Variants in ICE2 observed in about 807,000 individuals in gnomAD.
The protein encoded by ICE2 is interactor of little elongation complex ELL subunit 2, also known as little elongation complex subunit 2.
Under a neutral mutation model 105.4 loss-of-function variants are expected in ICE2, and 87 were observed. The ratio of observed to expected loss-of-function variants is 0.83; its 90% CI spans 0.69 to 0.99. The LOEUF (loss-of-function observed/expected upper bound fraction) is 0.99, where lower values mean the gene tolerates loss of function less well. Ranked by LOEUF, ICE2 falls within the 50% of genes least tolerant of loss-of-function variation. The probability of loss-of-function intolerance (pLI) is 0.00; values close to 1 mark genes in which losing one functional copy is unlikely to be tolerated. For missense variants in ICE2, 1,323 were observed against 1,146.7 expected (o/e 1.15, Z -2.22); for synonymous variants, 399 against 392.0 (o/e 1.02, Z -0.21).
In ICE2 at chr15:60,437,460, T is replaced by C. The variant is rs1053345461; in HGVS notation, c.2426-1233A>G. On this transcript the variant is annotated intron_variant, in intron 12 of 15. Coordinates refer to ENST00000261520, the MANE Select transcript of ICE2 (RefSeq NM_024611.6). The stretch of plus-strand genomic sequence containing the variant: ...AGCGATCCTGCCTCAGCCTGCCGAG[T>C]AGATGGGATTACAGGTGCCCACCAC... 6.6e-5 allele frequency among the ~76,000 whole-genome samples: 10 copies of C among 150,686 alleles called. No homozygotes were observed. The East Asian group carries it at 8.1e-4, about 12-fold the overall frequency.
chr15:60,445,018 G>C lies in ICE2; in HGVS notation c.2296-2473C>G, dbSNP rs2063793408. On this transcript the variant is annotated intron_variant, in intron 11 of 15. Coordinates refer to ENST00000261520, the MANE Select transcript of ICE2 (RefSeq NM_024611.6). ...TTATTTTATCCCATCACTTGAGACT[G>C]GCTGATGTTTTAGGTTCTCCTTTAA... Among the ~76,000 whole-genome samples the C allele has an allele frequency of 2.0e-5, 3 of 152,078 alleles. No individual in the cohort carries two copies. In the South Asian group the frequency reaches 6.2e-4, roughly 32 times the overall value.
chr15:60,428,834 G>T, intron 14 of ICE2, 147 bp from the exon 15 acceptor site: 1 of 850,466 alleles, frequency 1.2e-6, no homozygotes, highest in Non-Finnish European at 1.7e-6. Flanking sequence ...TAAGATTTAA[G>T]AAATCTTTAA....
intron 3 of ICE2, among the ~76,000 whole-genome samples, chr15:60,475,359 A>G (rs2064729730): frequency 6.6e-6 from 1 of 152,228 alleles, no homozygotes; most frequent in Non-Finnish European, 1.5e-5. Flanking sequence ...ATCTATTAAA[A>G]TATAAACTGT....
chr15:60,437,582 C>T (rs985570246), intron 12 of ICE2, among the ~76,000 whole-genome samples: 25 of 151,910 alleles, frequency 1.6e-4, no homozygotes, highest in African/African-American at 5.8e-4. Flanking sequence ...ATCCACCTGC[C>T]TCAGCCTCCC....
Position 60,428,496 on chromosome 15 carries a change from T to C in ICE2, c.2753A>G (p.His918Arg), listed in dbSNP as rs771483827. ...ACAAGGTATTCTTCCATGATGGATA[T>C]GATATGGTAATAACAGGCTGGGATC... ...PLDPSLLLPY[H>R]IHHGRIPCTF... Residue 918 changes from histidine (H) to arginine (R), a missense_variant, in exon 15 of 16, where the codon CAT (histidine) becomes CGT (arginine). Transcript: ENST00000261520. 3 of 1,614,134 alleles carry C rather than the reference T, an allele frequency of 1.9e-6. No homozygotes were observed. Among genetic ancestry groups the C allele is most frequent in the South Asian group, 1.1e-5 (1 of 91,082 alleles).
At chr15:60,429,360 A>G (rs993546850) in intron 14 of ICE2, among the ~76,000 whole-genome samples, 4 of 152,252 alleles carry the variant, frequency 2.6e-5, no homozygotes, top group African/African-American at 9.6e-5. Flanking sequence ...CAATTTGCCC[A>G]AAGTTGTGAG....
intron 10 of ICE2, among the ~76,000 whole-genome samples, 200 bp from the exon 11 acceptor site, chr15:60,448,345 GTTC>G (rs1230245137): frequency 2.6e-5 from 4 of 152,028 alleles, no homozygotes; most frequent in Admixed American, 6.6e-5. Flanking sequence ...TAGCTTTAAG[GTTC>G]TTCTCCTTTT....
intron 3 of ICE2, among the ~76,000 whole-genome samples, chr15:60,470,904 C>T (rs537079536): frequency 2.0e-5 from 3 of 151,872 alleles, no homozygotes; most frequent in Admixed American, 6.6e-5. Flanking sequence ...TATAAATACC[C>T]GTCATAAAAA....
chr15:60,475,990 A>G (rs1595830611), intron 3 of ICE2, 73 bp downstream of exon 3: 2 of 928,028 alleles, frequency 2.2e-6, no homozygotes, highest in East Asian at 5.2e-5. Context: ...AATACTAGAG[A>G]TACACATAAA....
intron 15 of ICE2, among the ~76,000 whole-genome samples, chr15:60,425,216 C>A (rs971278483): frequency 4.6e-5 from 7 of 152,036 alleles, no homozygotes; most frequent in African/African-American, 1.7e-4. Flanking sequence ...CCAGAAAGGA[C>A]AAATTGAGTA....
chr15:60,478,757 G>C (rs1470979132), intron 1 of ICE2: 10 of 351,230 alleles, frequency 2.8e-5, no homozygotes, highest in Non-Finnish European at 5.2e-5. Flanking sequence ...TGGAGCTGGG[G>C]GGGAATAGTC....
chr15:60,453,209 G>A, intron 9 of ICE2: 4 of 997,382 alleles, frequency 4.0e-6, no homozygotes, highest in South Asian at 4.3e-5. Context: ...TCCAGCCTGG[G>A]TGGCAGGGTG....
rs2063911820 is a variant in ICE2, at chr15:60,449,600, A to G, written c.1367T>C (p.Leu456Ser). 2 of 1,614,196 alleles carry G rather than the reference A, an allele frequency of 1.2e-6. No homozygotes were observed. The highest frequency in any genetic ancestry group is 1.7e-6 in the Non-Finnish European group (2 of 1,180,036). Residue 456 changes from leucine to serine, a missense_variant, in exon 10 of 16, where the codon TTA becomes TCA. Transcript: ENST00000261520. ...APDISANSRSLSQILMEQLQK... is the reference protein window; with the variant it reads ...APDISANSRSSSQILMEQLQK... ...CAATTGTTCCATCAGAATCTGAGAT[A>G]AACTTCTAGAATTAGCAGAAATGTC... is the stretch of plus-strand genomic sequence containing the variant.
chr15:60,458,872 T>G (rs1178438630), intron 5 of ICE2, among the ~76,000 whole-genome samples: 2 of 152,110 alleles, frequency 1.3e-5, no homozygotes, highest in African/African-American at 4.8e-5. Context: ...AGACAGATAC[T>G]GTATGTTTCC....
intron 2 of ICE2, among the ~76,000 whole-genome samples, chr15:60,476,435 T>C (rs2064764245): frequency 6.6e-6 from 1 of 152,186 alleles, no homozygotes. Flanking sequence ...ATTAAATAAA[T>C]GTCACAGAGA....
rs141152478 is a variant in ICE2 at position 60,475,921 on chromosome 15, AGAT to A, written c.146+139_146+141del. On this transcript the variant is annotated intron_variant, in intron 3 of 15. Transcript: ENST00000261520. ...TGGAGAAAGGAATGAAGGTCTGAAA[AGAT>A]AAATACCAGTGTTAAAAGTTGTTTT... 2.6e-3 allele frequency: 1,400 copies of A among 544,814 alleles called. 15 individuals carry two copies. The highest frequency in any genetic ancestry group is 0.025 in the African/African-American group (1,297 of 51,282). The allele number at this position is 544,814 out of a possible 1,614,324, so 33.7% of individuals were successfully genotyped here. A position where few individuals can be genotyped will look rare whatever the true frequency, so the allele number is the denominator to read the frequency against.
At position 60,442,497 on chromosome 15, in the gene ICE2, C is replaced by A; in HGVS notation, c.2344G>T (p.Gly782Ter). The change falls in exon 12 of 16, where the codon GGA becomes TGA. Residue 782 changes from glycine (G) to a stop codon, truncating the protein, a stop_gained. Coordinates refer to ENST00000261520, the MANE Select transcript of ICE2 (RefSeq NM_024611.6). LOFTEE classifies it high-confidence loss of function. ...TCACTTTCAGTCAGAGCTTCAACTC[C>A]ATAACAAGCTTGATACTCTACTTTT... is the stretch of plus-strand genomic sequence containing the variant. ...LPKVEYQACY[G>*]VEALTESELC... The A allele has an allele frequency of 6.3e-7, 1 of 1,596,214 alleles. No individual in the cohort carries two copies. The highest frequency in any genetic ancestry group is 8.5e-7 in the Non-Finnish European group (1 of 1,175,696).
rs202052870 is a variant in ICE2 at position 60,449,682 on chromosome 15, T to C, written c.1285A>G (p.Thr429Ala). 27 of 1,613,986 alleles carry C rather than the reference T, an allele frequency of 1.7e-5. No homozygotes were observed. Among genetic ancestry groups the C allele is most frequent in the African/African-American group, 2.7e-5 (2 of 74,920 alleles). Residue 429 changes from threonine to alanine, a missense_variant, in exon 10 of 16, where the codon ACA becomes GCA. Physicochemically the swap from Thr to Ala is moderately conservative, Grantham distance 58. Coordinates refer to ENST00000261520, the MANE Select transcript of ICE2 (RefSeq NM_024611.6). ...GCTTTGGGGGCTGTAGGAGCATCTG[T>C]CATGTTAGGTACTGTGGAAGTACTT... ...PASTSTVPNM[T>A]DAPTAPKAGT... is the part of the protein sequence containing the mutation.
At chr15:60,463,729 C>T (rs2064343686) in intron 5 of ICE2, among the ~76,000 whole-genome samples, 2 of 152,148 alleles carry the variant, frequency 1.3e-5, no homozygotes, top group South Asian at 4.1e-4. Flanking sequence ...GAGATCGTGC[C>T]ATTGCACTCT....
Sources: allele counts gnomAD v4.1 joint callset (sites outside exome capture counted in the v4.1 genomes callset), GRCh38; gene constraint gnomAD v4.1.1; transcripts MANE v1.5; gene names NCBI Gene and HGNC (gene_info 2026-07-23, HGNC 2026-07-21).